The following RALYL variants were observed in gnomAD, a reference collection of about 807,000 sequenced individuals.
RALYL encodes RALY RNA binding protein like, also known as RNA-binding Raly-like protein.
A neutral mutation model predicts 35.1 loss-of-function variants in RALYL; 29 were observed. The ratio of observed to expected loss-of-function variants is 0.83; its 90% CI spans 0.61 to 1.13. The LOEUF (loss-of-function observed/expected upper bound fraction) is 1.13, where lower values mean the gene tolerates loss of function less well. RALYL is among the 50% of genes most tolerant of loss of function. RALYL has a pLI of 0.00. For synonymous variants in RALYL, 120 were observed against 127.6 expected, an observed-to-expected ratio of 0.94 and a Z score of 0.40; for missense variants, 359 against 360.4, an observed-to-expected ratio of 1.00 and a Z score of 0.03.
rs149606461 is a variant in RALYL at position 84,239,663 on chromosome 8, G to A, written c.-24+55239G>A. ...CCTAGCACTTTGGGAGGCTGAGGCG[G>A]GCAGGTCATCTGAGATCAGGAGTTC... On this transcript the variant is annotated intron_variant, in intron 1 of 8. Coordinates refer to ENST00000521268, the MANE Select transcript of RALYL (RefSeq NM_173848.7). 4.4e-3 allele frequency among the ~76,000 whole-genome samples: 677 copies of A among 152,172 alleles called. 5 individuals are homozygous for A. Among genetic ancestry groups the A allele is most frequent in the Middle Eastern group, 0.014 (4 of 294 alleles).
In RALYL at chr8:84,543,504, T is replaced by TA. The variant is rs11286987; in HGVS notation, c.256+13936dup. Among the ~76,000 whole-genome samples the TA allele has an allele frequency of 4.5e-3, 679 of 150,712 alleles. 8 individuals carry two copies. Among genetic ancestry groups the TA allele is most frequent in the African/African-American group, 0.015 (606 of 41,132 alleles). ...CAAAAATCTATGGAAATAAAAAAAA[T>TA]AAAAAAAAACAACTTAGTAAAGTGG... On this transcript the variant is annotated intron_variant, in intron 2 of 8. Transcript: ENST00000521268.
At position 84,369,833 on chromosome 8, in the gene RALYL, AT is replaced by A. The variant is rs370653719; in HGVS notation, c.-23-159459del. On this transcript the variant is annotated intron_variant, in intron 1 of 8. Transcript: ENST00000521268. The stretch of plus-strand genomic sequence containing the variant: ...AGCAAACCATTAAAAATTCTTACGA[AT>A]TTTTTTCTTCCCAAAGAAAACTATT... 8.2e-4 allele frequency among the ~76,000 whole-genome samples: 125 copies of A among 152,192 alleles called. No individual in the cohort carries two copies. In the East Asian group the frequency reaches 0.017, roughly 21 times the overall value.
intron 1 of RALYL, among the ~76,000 whole-genome samples, chr8:84,213,629 G>A (rs16912538): frequency 0.026 from 3,929 of 152,172 alleles, 178 homozygotes; most frequent in African/African-American, 0.087. Flanking sequence ...GGTTCAAGAT[G>A]AAAGTAATCA....
chr8:84,554,029 C>A (rs2060928351), intron 2 of RALYL, among the ~76,000 whole-genome samples: 1 of 152,086 alleles, frequency 6.6e-6, no homozygotes, highest in Non-Finnish European at 1.5e-5. Context: ...AATCACATCC[C>A]TAATAGAGTT....
chr8:84,848,383 TTG>T lies in RALYL; in HGVS notation c.366-1584_366-1583del, dbSNP rs79114621. ...TATTGGAGTAATACTTTTAAATATT[TTG>T]TGTGTGTGTGTGCATATATATATGT... On this transcript the variant is annotated intron_variant, in intron 4 of 8. Coordinates refer to ENST00000521268, the MANE Select transcript of RALYL (RefSeq NM_173848.7). 4.5e-3 allele frequency among the ~76,000 whole-genome samples: 682 copies of T among 150,990 alleles called. 3 individuals carry two copies. Among genetic ancestry groups the T allele is most frequent in the Admixed American group, 6.8e-3 (103 of 15,050 alleles).
chr8:84,442,321 T>C (rs1055837520), intron 1 of RALYL, among the ~76,000 whole-genome samples: 3 of 152,296 alleles, frequency 2.0e-5, no homozygotes, highest in Non-Finnish European at 2.9e-5. Flanking sequence ...GATCAGTTTA[T>C]GTTAGCACTT....
At chr8:84,298,589 A>G (rs1481127194) in intron 1 of RALYL, among the ~76,000 whole-genome samples, 14 of 152,124 alleles carry the variant, frequency 9.2e-5, no homozygotes, top group Admixed American at 7.2e-4. Flanking sequence ...TAATTCAGTG[A>G]AAAATGTCAT....
chr8:84,387,803 CTTTTTTT>C (rs112006834), intron 1 of RALYL, among the ~76,000 whole-genome samples: 1 of 135,522 alleles, frequency 7.4e-6, no homozygotes, highest in African/African-American at 2.7e-5. Flanking sequence ...TTCTTTCTTT[CTTTTTTT>C]TTTTTTTTGA....
At chr8:84,696,984 T>C (rs933839353) in intron 2 of RALYL, among the ~76,000 whole-genome samples, 2 of 151,996 alleles carry the variant, frequency 1.3e-5, no homozygotes, top group Admixed American at 1.3e-4. Context: ...TACCTGAAAA[T>C]TCATTCTATT....
At chr8:84,607,920 G>T (rs946977969) in intron 2 of RALYL, among the ~76,000 whole-genome samples, 4 of 144,176 alleles carry the variant, frequency 2.8e-5, no homozygotes, top group South Asian at 4.4e-4. Context: ...AAGCATCTAG[G>T]TTTTTTTTTT....
intron 2 of RALYL, among the ~76,000 whole-genome samples, chr8:84,569,841 G>A (rs562986715): frequency 2.9e-4 from 44 of 151,884 alleles, no homozygotes; most frequent in Middle Eastern, 3.4e-3. Flanking sequence ...TATCAAGTAA[G>A]TTGTCATTTT....
chr8:84,622,657 A>G (rs755124663), intron 2 of RALYL, among the ~76,000 whole-genome samples: 1 of 152,164 alleles, frequency 6.6e-6, no homozygotes, highest in African/African-American at 2.4e-5. Flanking sequence ...ACCAATTTCT[A>G]TTTAGTTTCC....
At chr8:84,844,861 G>A (rs1312820429) in intron 4 of RALYL, among the ~76,000 whole-genome samples, 1 of 152,032 alleles carries the variant, frequency 6.6e-6, no homozygotes, top group East Asian at 1.9e-4. Context: ...AGCAAACTAT[G>A]GCAAGGACAA....
At chr8:84,608,572 T>G (rs1039462626) in intron 2 of RALYL, among the ~76,000 whole-genome samples, 1 of 152,120 alleles carries the variant, frequency 6.6e-6, no homozygotes, top group Non-Finnish European at 1.5e-5. Flanking sequence ...GGGCTGCGGG[T>G]TTTCATGTTC....
intron 1 of RALYL, among the ~76,000 whole-genome samples, chr8:84,508,986 G>A (rs1054853481): frequency 2.6e-5 from 4 of 151,910 alleles, no homozygotes; most frequent in Non-Finnish European, 4.4e-5. Flanking sequence ...CTAAATTTGC[G>A]ATTCCAAAAA....
chr8:84,736,022 A>G (rs1847245745), intron 2 of RALYL, among the ~76,000 whole-genome samples: 1 of 152,114 alleles, frequency 6.6e-6, no homozygotes, highest in African/African-American at 2.4e-5. Flanking sequence ...CAGAACTGCA[A>G]CACTCCAACA....
chr8:84,401,823 A>C (rs2042946796), intron 1 of RALYL, among the ~76,000 whole-genome samples: 1 of 149,692 alleles, frequency 6.7e-6, no homozygotes, highest in Non-Finnish European at 1.5e-5. Context: ...TTGCAGTAAA[A>C]CTTTTTTTTT....
intron 1 of RALYL, among the ~76,000 whole-genome samples, chr8:84,495,813 G>A (rs540827186): frequency 1.3e-5 from 2 of 152,184 alleles, no homozygotes; most frequent in South Asian, 4.1e-4. Flanking sequence ...AATGCATAAA[G>A]TGTCTCTTCA....
chr8:84,183,133 AGCAGCGGCAGAGGCGGCG>A (rs1452725578), upstream of RALYL: 1 of 159,376 alleles, frequency 6.3e-6, no homozygotes, highest in African/African-American at 2.4e-5. Context: ...CAATCGCGGC[AGCAGCGGCAGAGGCGGCG>A]GCAGCTGCGC....
Sources: allele counts gnomAD v4.1 joint callset (sites outside exome capture counted in the v4.1 genomes callset), GRCh38; gene constraint gnomAD v4.1.1; transcripts MANE v1.5; gene names NCBI Gene and HGNC (gene_info 2026-07-23, HGNC 2026-07-21).